The following MACC1 variants were observed in gnomAD, a reference collection of about 807,000 sequenced individuals.
The protein encoded by MACC1 is metastasis-associated in colon cancer protein 1.
MACC1 carries 79 observed loss-of-function variants against 70.7 expected under a neutral mutation model. The ratio of observed to expected loss-of-function variants is 1.12; its 90% confidence interval spans 0.93 to 1.35. The LOEUF (loss-of-function observed/expected upper bound fraction) is 1.35, where lower values mean the gene tolerates loss of function less well. Among genes scored for constraint, MACC1 ranks in the 40% most tolerant of loss-of-function variants. MACC1 has a pLI of 0.00. For missense variants in MACC1, 1,106 were observed against 978.1 expected, an observed-to-expected ratio of 1.13 and a Z score of -1.74; for synonymous variants, 361 against 347.2, an observed-to-expected ratio of 1.04 and a Z score of -0.44.
chr7:20,175,152 C>T (rs1340409826), intron 1 of MACC1, among the ~76,000 whole-genome samples: 1 of 151,964 alleles, frequency 6.6e-6, no homozygotes, highest in Non-Finnish European at 1.5e-5. Context: ...TGAATATTAA[C>T]TTATATTAGC....
In MACC1 at chr7:20,159,462, G is replaced by A. The variant is rs749712233; in HGVS notation, c.899C>T (p.Pro300Leu). 6.2e-7 allele frequency: 1 copy of A among 1,613,896 alleles called. No homozygotes were observed. Among genetic ancestry groups the A allele is most frequent in the Non-Finnish European group, 8.5e-7 (1 of 1,180,024 alleles). ...MKIGAEVRKD[P>L]FSQVMTEMVC... ...CATTTCTGTCATGACTTGGCTGAAA[G>A]GATCCTTTCTTACTTCAGCCCCAAT... The change falls in exon 5 of 7, where the codon CCT becomes CTT. Residue 300 changes from proline to leucine, a missense_variant. Pro to Leu is a moderately conservative substitution (Grantham distance 98, BLOSUM62 -3). Coordinates refer to ENST00000400331, the MANE Select transcript of MACC1 (RefSeq NM_182762.4).
chr7:20,153,759 T>C (rs895132665), intron 6 of MACC1, among the ~76,000 whole-genome samples: 1 of 152,212 alleles, frequency 6.6e-6, no homozygotes, highest in East Asian at 1.9e-4. Flanking sequence ...TTACTACTTC[T>C]TGTCCCTGAG....
chr7:20,211,475 G>A (rs1782995386), intron 1 of MACC1, among the ~76,000 whole-genome samples: 1 of 152,118 alleles, frequency 6.6e-6, no homozygotes, highest in Non-Finnish European at 1.5e-5. Context: ...CATAGGTTGA[G>A]AAACGGAGAG....
chr7:20,166,190 A>T (rs1388268047), intron 2 of MACC1, among the ~76,000 whole-genome samples: 1 of 152,160 alleles, frequency 6.6e-6, no homozygotes, highest in African/African-American at 2.4e-5. Flanking sequence ...TTTGTACTGT[A>T]TTTAACTCTT....
At chr7:20,150,035 T>C (rs1031485225) in intron 6 of MACC1, among the ~76,000 whole-genome samples, 2 of 152,212 alleles carry the variant, frequency 1.3e-5, no homozygotes, top group African/African-American at 4.8e-5. Context: ...CAAAGTATAT[T>C]GAAATAATAG....
At chr7:20,147,447 T>G (rs1335139430) in intron 6 of MACC1, 1 of 152,222 alleles carries the variant, frequency 6.6e-6, no homozygotes, top group East Asian at 1.9e-4. Flanking sequence ...TCATTTTCAG[T>G]ACCATTAGCT....
chr7:20,215,511 A>G (rs996895823), intron 1 of MACC1, among the ~76,000 whole-genome samples: 4 of 152,206 alleles, frequency 2.6e-5, no homozygotes, highest in Non-Finnish European at 5.9e-5. Context: ...GAGAATTACA[A>G]GTTTCATTCT....
chr7:20,168,663 T>C (rs1197681410), intron 2 of MACC1, among the ~76,000 whole-genome samples: 1 of 152,218 alleles, frequency 6.6e-6, no homozygotes, highest in East Asian at 1.9e-4. Context: ...AAGGCAATTC[T>C]GTCAAGTCAG....
intron 6 of MACC1, among the ~76,000 whole-genome samples, chr7:20,149,967 T>C (rs1458518356): frequency 6.6e-6 from 1 of 152,166 alleles, no homozygotes; most frequent in Non-Finnish European, 1.5e-5. Flanking sequence ...ATTACACAAA[T>C]ACATTCACCT....
In MACC1 at chr7:20,185,586, A is replaced by T. The variant is rs75816301; in HGVS notation, c.-217-14808T>A. 7.4e-3 allele frequency among the ~76,000 whole-genome samples: 1,127 copies of T among 152,310 alleles called. 29 individuals are homozygous for T. Among genetic ancestry groups the T allele is most frequent in the East Asian group, 0.039 (202 of 5,194 alleles). ...AAGGAGGAGGATAAAAATAGAGAAC[A>T]AAGTGAAATCAATTACTTTTAATAT... On this transcript the variant is annotated intron_variant, in intron 1 of 6. Coordinates refer to ENST00000400331, the MANE Select transcript of MACC1 (RefSeq NM_182762.4).
intron 3 of MACC1, among the ~76,000 whole-genome samples, chr7:20,163,231 T>C (rs1000290778): frequency 2.6e-5 from 4 of 152,134 alleles, no homozygotes; most frequent in African/African-American, 7.2e-5. Context: ...AGAAACACAA[T>C]TTTTACCTAT....
chr7:20,158,114 C>T, intron 5 of MACC1, 90 bp downstream of exon 5: 1 of 1,429,274 alleles, frequency 7.0e-7, no homozygotes, highest in Non-Finnish European at 9.3e-7. Flanking sequence ...AATTTTTAAA[C>T]ATTTCTCCTC....
chr7:20,173,905 T>A (rs1174271931), intron 1 of MACC1, among the ~76,000 whole-genome samples: 2 of 152,196 alleles, frequency 1.3e-5, no homozygotes, highest in Non-Finnish European at 2.9e-5. Context: ...TTGCGTCACA[T>A]GAGTATGTTC....
At chr7:20,155,007 A>C (rs541737598) in intron 5 of MACC1, among the ~76,000 whole-genome samples, 68 of 152,062 alleles carry the variant, frequency 4.5e-4, no homozygotes, top group Non-Finnish European at 7.5e-4. Flanking sequence ...CATCACCAAT[A>C]TAATGGTATT....
intron 1 of MACC1, among the ~76,000 whole-genome samples, chr7:20,216,416 A>G (rs1783071193): frequency 6.6e-6 from 1 of 152,110 alleles, no homozygotes; most frequent in Non-Finnish European, 1.5e-5. Flanking sequence ...TTTAAGTTCA[A>G]TAGTATTAAA....
chr7:20,170,409 G>C (rs1225491386), intron 2 of MACC1: 1 of 152,180 alleles, frequency 6.6e-6, no homozygotes, highest in Admixed American at 6.5e-5. Context: ...CTTAGACAAT[G>C]TAATGAGTGG....
At chr7:20,194,741 A>T (rs920721653) in intron 1 of MACC1, among the ~76,000 whole-genome samples, 3 of 152,260 alleles carry the variant, frequency 2.0e-5, no homozygotes, top group Non-Finnish European at 1.5e-5. Context: ...TGTAGTTTCC[A>T]TTAAAAGCCA....
chr7:20,162,442 C>T (rs1012283162), intron 3 of MACC1, among the ~76,000 whole-genome samples: 3 of 152,202 alleles, frequency 2.0e-5, no homozygotes, highest in Admixed American at 6.5e-5. Context: ...ACTTCTTAAG[C>T]TATTTTAATA....
At chr7:20,145,359 G>A (rs558810748) in intron 6 of MACC1, among the ~76,000 whole-genome samples, 26 of 151,972 alleles carry the variant, frequency 1.7e-4, no homozygotes, top group Non-Finnish European at 3.5e-4. Flanking sequence ...GGTACAAACA[G>A]GTATCAAAGA....
Sources: gnomAD v4.1 joint callset for allele counts (sites outside exome capture counted in the v4.1 genomes callset) on GRCh38, gnomAD v4.1.1 for gene constraint, MANE v1.5 for transcripts, NCBI Gene and HGNC (gene_info 2026-07-23, HGNC 2026-07-21) for gene names.